Variants in CAMK1D observed in about 807,000 individuals in gnomAD.
CAMK1D encodes the protein calcium/calmodulin dependent protein kinase ID.
A neutral mutation model predicts 47.7 loss-of-function variants in CAMK1D; 9 were observed. The observed-to-expected ratio is 0.19, with a 90% CI of 0.11 to 0.33. The LOEUF (loss-of-function observed/expected upper bound fraction) is 0.33, where lower values mean the gene tolerates loss of function less well. Ranked by LOEUF, CAMK1D falls within the 10% of genes least tolerant of loss-of-function variation. The pLI, the probability that CAMK1D is intolerant of heterozygous loss-of-function variation, is 1.00. For missense variants in CAMK1D, 291 were observed against 488.7 expected, an observed-to-expected ratio of 0.60 and a Z score of 3.81; for synonymous variants, 184 against 184.9, an observed-to-expected ratio of 0.99 and a Z score of 0.04.
At chr10:12,626,318 A>T (rs1839211699) in intron 2 of CAMK1D, among the ~76,000 whole-genome samples, 1 of 152,160 alleles carries the variant, frequency 6.6e-6, no homozygotes, top group African/African-American at 2.4e-5. Flanking sequence ...TCAAATCAAT[A>T]TACATAGTTT....
At chr10:12,810,685 C>T (rs1366935820) in intron 6 of CAMK1D, among the ~76,000 whole-genome samples, 1 of 152,216 alleles carries the variant, frequency 6.6e-6, no homozygotes, top group Non-Finnish European at 1.5e-5. Context: ...GCAAACCAAA[C>T]GCCCCACAGA....
chr10:12,772,910 G>A (rs1030793902), intron 5 of CAMK1D, among the ~76,000 whole-genome samples: 20 of 152,172 alleles, frequency 1.3e-4, no homozygotes, highest in Admixed American at 1.2e-3. Flanking sequence ...GTATCTAGAG[G>A]ACATCCCTTA....
chr10:12,495,914 A>G (rs1052584286), intron 1 of CAMK1D, among the ~76,000 whole-genome samples: 1 of 151,868 alleles, frequency 6.6e-6, no homozygotes, highest in Non-Finnish European at 1.5e-5. Context: ...TACGACTTCT[A>G]CCTCCTGGGT....
chr10:12,781,795 G>A (rs187810786), intron 5 of CAMK1D, among the ~76,000 whole-genome samples: 1 of 151,932 alleles, frequency 6.6e-6, no homozygotes, highest in Non-Finnish European at 1.5e-5. Context: ...GGGATTACAA[G>A]CACGCATCAC....
chr10:12,354,434 T>C (rs1837440912), intron 1 of CAMK1D, among the ~76,000 whole-genome samples: 1 of 150,696 alleles, frequency 6.6e-6, no homozygotes, highest in African/African-American at 2.4e-5. Flanking sequence ...TTCTTTTCTT[T>C]TTTTTTTTTT....
intron 1 of CAMK1D, among the ~76,000 whole-genome samples, chr10:12,432,892 A>AGCT (rs140365001): frequency 0.014 from 2,093 of 152,262 alleles, 43 homozygotes; most frequent in African/African-American, 0.048. Context: ...CGGCAATGGG[A>AGCT]GCTGCTGCAC....
chr10:12,827,378 T>TTCTCTTTCTTTCTTTCTC (rs141961320), intron 10 of CAMK1D, among the ~76,000 whole-genome samples: 2 of 100,166 alleles, frequency 2.0e-5, no homozygotes, highest in East Asian at 3.0e-4. Flanking sequence ...CTTTCTTTCT[T>TTCTCTTTCTTTCTTTCTC]TTTCTTTCCC....
chr10:12,370,477 A>G (rs1481841692), intron 1 of CAMK1D, among the ~76,000 whole-genome samples: 4 of 152,142 alleles, frequency 2.6e-5, no homozygotes, highest in Non-Finnish European at 5.9e-5. Context: ...AAGCGTTGTT[A>G]TCGTAGGAGA....
At chr10:12,783,041 A>T (rs539272304) in intron 5 of CAMK1D, among the ~76,000 whole-genome samples, 2 of 143,452 alleles carry the variant, frequency 1.4e-5, no homozygotes, top group Admixed American at 1.4e-4. Context: ...TGCCCAGGCT[A>T]GAGTGCAGTG....
At chr10:12,438,864 C>T (rs552293288) in intron 1 of CAMK1D, among the ~76,000 whole-genome samples, 1 of 152,332 alleles carries the variant, frequency 6.6e-6, no homozygotes, top group Admixed American at 6.5e-5. Context: ...AACAGCAAAC[C>T]TGCCTTTGGA....
Position 12,455,742 on chromosome 10 carries a change from A to G in CAMK1D, c.93-97483A>G, listed in dbSNP as rs564642724. Among the ~76,000 whole-genome samples, 10 of 152,356 alleles carry G rather than the reference A, an allele frequency of 6.6e-5. No homozygotes were observed. In the East Asian group the frequency reaches 1.3e-3, roughly 21 times the overall value. ...TGTCCATGTCTTTGGTGGATGGAGT[A>G]TGAGTTATTGATTAGGTTAACTGAC... On this transcript the variant is annotated intron_variant, in intron 1 of 10. Coordinates refer to ENST00000619168, the MANE Select transcript of CAMK1D (RefSeq NM_153498.4).
chr10:12,721,232 A>G (rs537554689), intron 3 of CAMK1D, among the ~76,000 whole-genome samples: 6 of 152,346 alleles, frequency 3.9e-5, no homozygotes, highest in African/African-American at 9.6e-5. Flanking sequence ...CAATTACTCG[A>G]TAAGTAATTC....
chr10:12,797,966 G>T (rs1838265265), intron 6 of CAMK1D, among the ~76,000 whole-genome samples: 1 of 152,180 alleles, frequency 6.6e-6, no homozygotes, highest in Non-Finnish European at 1.5e-5. Flanking sequence ...CAGAGCAGTT[G>T]AGGGAAATCG....
At chr10:12,735,439 C>T (rs1023624362) in intron 3 of CAMK1D, among the ~76,000 whole-genome samples, 1 of 152,150 alleles carries the variant, frequency 6.6e-6, no homozygotes, top group African/African-American at 2.4e-5. Flanking sequence ...GATTGCGCCA[C>T]TGCACTCCAG....
rs181823550 is a variant in CAMK1D, at chr10:12,387,580, C to T, written c.92+37670C>T. 4.9e-3 allele frequency among the ~76,000 whole-genome samples: 728 copies of T among 147,596 alleles called. 8 individuals carry two copies. The highest frequency in any genetic ancestry group is 0.017 in the African/African-American group (691 of 40,000). Reference sequence around the variant, plus strand: ...GGAGTGCAGTGGTGCAATCTCGGCTCACTGCAACTTCCACCCACAAGGCTC... The same window carrying T: ...GGAGTGCAGTGGTGCAATCTCGGCTTACTGCAACTTCCACCCACAAGGCTC... On this transcript the variant is annotated intron_variant, in intron 1 of 10. Transcript: ENST00000619168.
At chr10:12,408,622 G>T (rs916400492) in intron 1 of CAMK1D, among the ~76,000 whole-genome samples, 4 of 152,114 alleles carry the variant, frequency 2.6e-5, no homozygotes, top group African/African-American at 9.7e-5. Context: ...GTGGGTGGTG[G>T]TGGGGGTGGT....
intron 1 of CAMK1D, among the ~76,000 whole-genome samples, chr10:12,535,328 T>G (rs1013296193): frequency 6.6e-6 from 1 of 152,192 alleles, no homozygotes; most frequent in Non-Finnish European, 1.5e-5. Flanking sequence ...AAGTGACTTG[T>G]TTTTATTTGT....
At position 12,480,838 on chromosome 10, in the gene CAMK1D, GAT is replaced by G. The variant is rs1834042686; in HGVS notation, c.93-72382_93-72381del. Among the ~76,000 whole-genome samples the G allele has an allele frequency of 2.0e-5, 3 of 152,336 alleles. No individual in the cohort carries two copies. In the South Asian group the frequency reaches 6.2e-4, roughly 32 times the overall value. ...TTGGATGGCCACATGGAAACGTGTA[GAT>G]ATATGAGATGCAAGCATGAAACTGC... On this transcript the variant is annotated intron_variant, in intron 1 of 10. Coordinates refer to ENST00000619168, the MANE Select transcript of CAMK1D (RefSeq NM_153498.4).
At chr10:12,678,600 G>C (rs1840889015) in intron 3 of CAMK1D, among the ~76,000 whole-genome samples, 1 of 152,122 alleles carries the variant, frequency 6.6e-6, no homozygotes, top group Admixed American at 6.6e-5. Flanking sequence ...GTCTTGTAGA[G>C]CTATTTCTCC....
Sources: allele counts gnomAD v4.1 joint callset (sites outside exome capture counted in the v4.1 genomes callset), GRCh38; gene constraint gnomAD v4.1.1; transcripts MANE v1.5; gene names NCBI Gene and HGNC (gene_info 2026-07-23, HGNC 2026-07-21).